Variants in CATSPERE observed in about 807,000 individuals in gnomAD.
CATSPERE encodes cation channel sperm-associated auxiliary subunit epsilon.
A neutral mutation model predicts 114.1 loss-of-function variants in CATSPERE; 93 were observed. The observed-to-expected ratio is 0.81, with a 90% CI of 0.69 to 0.97. The LOEUF (loss-of-function observed/expected upper bound fraction) is 0.97. Among genes scored for constraint, CATSPERE ranks in the 50% least tolerant of loss-of-function variants. The pLI, the probability that CATSPERE is intolerant of heterozygous loss-of-function variation, is 0.00. For missense variants in CATSPERE, 1,058 were observed against 1,131.6 expected, an observed-to-expected ratio of 0.93 and a Z score of 0.93; for synonymous variants, 341 against 384.1, an observed-to-expected ratio of 0.89 and a Z score of 1.31.
intron 10 of CATSPERE, among the ~76,000 whole-genome samples, chr1:244,561,911 G>C (rs952769900): frequency 5.3e-5 from 8 of 152,078 alleles, no homozygotes; most frequent in African/African-American, 1.7e-4. Context: ...CAGCACTTTG[G>C]AAGGCCAAGG....
At chr1:244,476,950 C>T (rs1416629131) in intron 2 of CATSPERE, among the ~76,000 whole-genome samples, 5 of 152,260 alleles carry the variant, frequency 3.3e-5, no homozygotes, top group African/African-American at 1.2e-4. Context: ...TCCTCAGAAC[C>T]TACCAGAGTG....
At chr1:244,518,891 A>C (rs1026407849) in intron 8 of CATSPERE, among the ~76,000 whole-genome samples, 193 bp downstream of exon 8, 1 of 152,146 alleles carries the variant, frequency 6.6e-6, no homozygotes, top group Non-Finnish European at 1.5e-5. Flanking sequence ...AGAGTTTTAC[A>C]ATTTGTGTCC....
At chr1:244,453,686 T>C (rs1295848576), upstream of CATSPERE, among the ~76,000 whole-genome samples, 3 of 152,210 alleles carry the variant, frequency 2.0e-5, no homozygotes, top group Admixed American at 6.5e-5. Flanking sequence ...TTAATTGCAA[T>C]GGAGAAATAG....
At chr1:244,637,616 C>G (rs1182953188) in intron 21 of CATSPERE, among the ~76,000 whole-genome samples, 1 of 152,122 alleles carries the variant, frequency 6.6e-6, no homozygotes, top group Non-Finnish European at 1.5e-5. Context: ...TCTTTTTTTA[C>G]TTTGCATTTC....
At chr1:244,456,714 G>T (rs1306556387), upstream of CATSPERE, among the ~76,000 whole-genome samples, 2 of 152,176 alleles carry the variant, frequency 1.3e-5, no homozygotes, top group South Asian at 4.1e-4. Context: ...TTAGGCTATA[G>T]ATAAGGCCTG....
rs772548361 is a variant in CATSPERE, at chr1:244,518,622, A to G, written c.460A>G (p.Thr154Ala). ...NSIVLSTQMA[T>A]LGQKPVIHTV... ...CATAGTACTCAGCACACAGATGGCC[A>G]CATTGGGACAGAAGCCTGTCATACA... Residue 154 changes from threonine to alanine, a missense_variant, in exon 8 of 22, where the codon ACA becomes GCA. Transcript: ENST00000366534. 6.3e-7 allele frequency: 1 copy of G among 1,599,836 alleles called. No individual in the cohort carries two copies. The highest frequency in any genetic ancestry group is 2.2e-5 in the East Asian group (1 of 44,464).
chr1:244,531,577 T>C (rs978792819), intron 8 of CATSPERE, among the ~76,000 whole-genome samples: 1 of 152,222 alleles, frequency 6.6e-6, no homozygotes, highest in African/African-American at 2.4e-5. Flanking sequence ...TCGGTATTAA[T>C]TGAAATGATC....
intron 7 of CATSPERE, among the ~76,000 whole-genome samples, chr1:244,518,329 T>C (rs1008009594): frequency 6.6e-6 from 1 of 152,186 alleles, no homozygotes; most frequent in African/African-American, 2.4e-5. Flanking sequence ...AGTATCCCCA[T>C]AGTTTCAGTG....
At position 244,552,386 on chromosome 1, in the gene CATSPERE, G is replaced by T; in HGVS notation, c.601G>T (p.Val201Phe). Residue 201 changes from valine (V) to phenylalanine (F), a missense_variant, in exon 9 of 22, where the codon GTT becomes TTT. Coordinates refer to ENST00000366534, the MANE Select transcript of CATSPERE (RefSeq NM_001130957.2). Reference protein sequence around the residue: ...DALKEIRGNQVTFQDCFIADF... With the variant: ...DALKEIRGNQFTFQDCFIADF... ...ACTAAAGGAGATTAGAGGAAACCAA[G>T]TTACTTTTCAGGATTGCTTTATTGC... 18 of 1,614,138 alleles carry T rather than the reference G, an allele frequency of 1.1e-5. No homozygotes were observed. Among genetic ancestry groups the T allele is most frequent in the Non-Finnish European group, 1.5e-5 (18 of 1,180,018 alleles).
At chr1:244,606,444 C>CAA (rs112674406) in intron 18 of CATSPERE, among the ~76,000 whole-genome samples, 3 of 132,748 alleles carry the variant, frequency 2.3e-5, no homozygotes, top group Non-Finnish European at 4.9e-5. Flanking sequence ...ATTTCACTCG[C>CAA]AAAAAAAAAA....
chr1:244,584,187 T>C (rs1369999684), intron 13 of CATSPERE, among the ~76,000 whole-genome samples: 1 of 152,132 alleles, frequency 6.6e-6, no homozygotes, highest in Admixed American at 6.6e-5. Flanking sequence ...TTTAAAAAAG[T>C]TTATTGTATG....
intron 1 of CATSPERE, among the ~76,000 whole-genome samples, chr1:244,463,646 CA>C (rs35832545): frequency 0.42 from 48,803 of 116,760 alleles, 8,689 homozygotes; most frequent in African/African-American, 0.57. Flanking sequence ...TTTCATCTTA[CA>C]AAAAAAAAAA....
chr1:244,536,377 T>C (rs1680387348), intron 8 of CATSPERE, among the ~76,000 whole-genome samples: 1 of 152,158 alleles, frequency 6.6e-6, no homozygotes, highest in South Asian at 2.1e-4. Flanking sequence ...TTCAAGTTTA[T>C]TTCGGACTCC....
At chr1:244,499,227 ATT>A in intron 7 of CATSPERE, 148 bp downstream of exon 7, 1 of 508,188 alleles carries the variant, frequency 2.0e-6, no homozygotes, top group South Asian at 4.2e-5. Context: ...TAGTTTAGCC[ATT>A]ATAGTAGTTT....
intron 18 of CATSPERE, among the ~76,000 whole-genome samples, chr1:244,606,203 G>A (rs1180757833): frequency 1.3e-5 from 2 of 151,858 alleles, no homozygotes; most frequent in Admixed American, 6.6e-5. Flanking sequence ...TGGCTTCAGT[G>A]TCCCTACACT....
At chr1:244,569,576 ATTTT>A (rs1473811500) in intron 10 of CATSPERE, among the ~76,000 whole-genome samples, 2 of 152,174 alleles carry the variant, frequency 1.3e-5, no homozygotes, top group Non-Finnish European at 2.9e-5. Flanking sequence ...ATTTATTAAT[ATTTT>A]TATTTGTAAC....
intron 20 of CATSPERE, among the ~76,000 whole-genome samples, chr1:244,627,412 ATT>A (rs1037974463): frequency 3.3e-5 from 5 of 151,970 alleles, no homozygotes; most frequent in Admixed American, 1.3e-4. Flanking sequence ...CACTACAACA[ATT>A]TTTTAAAAAA....
chr1:244,610,909 T>C (rs574434353), intron 19 of CATSPERE, among the ~76,000 whole-genome samples: 1 of 152,102 alleles, frequency 6.6e-6, no homozygotes, highest in East Asian at 1.9e-4. Context: ...TACAGGCATG[T>C]GCCACCACGC....
In CATSPERE at chr1:244,463,432, C is replaced by T. The variant is rs141754733; in HGVS notation, c.66-476C>T. 1.2e-3 allele frequency among the ~76,000 whole-genome samples: 178 copies of T among 151,976 alleles called. 3 individuals are homozygous for T. The East Asian group carries it at 0.026, about 22-fold the overall frequency. On this transcript the variant is annotated intron_variant, in intron 1 of 21. Transcript: ENST00000366534. ...GCATGCGCCTGTAGTCCCAGCTATTCGGGAGGCTGAGGCGAGAGGATCACT... is the reference window on the plus strand; with the variant it reads ...GCATGCGCCTGTAGTCCCAGCTATTTGGGAGGCTGAGGCGAGAGGATCACT...
Sources: allele counts gnomAD v4.1 joint callset (sites outside exome capture counted in the v4.1 genomes callset), GRCh38; gene constraint gnomAD v4.1.1; transcripts MANE v1.5; gene names NCBI Gene and HGNC (gene_info 2026-07-23, HGNC 2026-07-21).